The following SPTLC2 variants were observed in gnomAD, a reference collection of about 807,000 sequenced individuals.
SPTLC2 encodes the protein serine palmitoyltransferase long chain base subunit 2, also known as serine palmitoyltransferase 2.
Under a neutral mutation model 62.0 loss-of-function variants are expected in SPTLC2, and 21 were observed. That is an observed-to-expected ratio of 0.34 (90% confidence interval 0.24 to 0.49). The LOEUF (loss-of-function observed/expected upper bound fraction) is 0.49. Among genes scored for constraint, SPTLC2 ranks in the 20% least tolerant of loss-of-function variants. SPTLC2 has a pLI of 0.99. For synonymous variants in SPTLC2, 261 were observed against 261.8 expected (o/e 1.00, Z 0.03); for missense variants, 511 against 713.0 (o/e 0.72, Z 3.23).
chr14:77,551,410 A>AAAAAAAC, intron 9 of SPTLC2, among the ~76,000 whole-genome samples: 1 of 151,748 alleles, frequency 6.6e-6, no homozygotes, highest in African/African-American at 2.4e-5. Flanking sequence ...AAAAAAAAAA[A>AAAAAAAC]AAAGCGACAA....
chr14:77,555,601 A>G, intron 7 of SPTLC2, 82 bp from the exon 8 acceptor site: 1 of 1,340,284 alleles, frequency 7.5e-7, no homozygotes, highest in Non-Finnish European at 1.0e-6. Context: ...GCACTTCATT[A>G]TTATTGAGTT....
At position 77,526,943 on chromosome 14, in the gene SPTLC2, C is replaced by T. The variant is rs559537958; in HGVS notation, c.1304-5362G>A. On this transcript the variant is annotated intron_variant, in intron 9 of 11. Coordinates refer to ENST00000216484, the MANE Select transcript of SPTLC2 (RefSeq NM_004863.4). ...CCGAGTAGCTGGGACTGCAGCAACC[C>T]GCCACAACACCCGGCTAATTTTTTG... 2.7e-3 allele frequency among the ~76,000 whole-genome samples: 408 copies of T among 151,350 alleles called. 2 individuals are homozygous for T. The highest frequency in any genetic ancestry group is 4.2e-3 in the Non-Finnish European group (284 of 67,860).
chr14:77,576,974 T>TGTACTTAC, intron 3 of SPTLC2, 59 bp from the exon 4 acceptor site: 1 of 1,590,966 alleles, frequency 6.3e-7, no homozygotes, highest in Non-Finnish European at 8.6e-7. Context: ...TTACATGTAA[T>TGTACTTAC]ATTAAATGAA....
At chr14:77,549,375 T>C (rs2079544753) in intron 9 of SPTLC2, among the ~76,000 whole-genome samples, 1 of 152,196 alleles carries the variant, frequency 6.6e-6, no homozygotes, top group African/African-American at 2.4e-5. Flanking sequence ...CGCCAGGTTC[T>C]TTGGAATGCT....
At chr14:77,545,980 C>G (rs553403569) in intron 9 of SPTLC2, among the ~76,000 whole-genome samples, 54 of 152,324 alleles carry the variant, frequency 3.5e-4, no homozygotes, top group Non-Finnish European at 6.5e-4. Context: ...GAAAGGGCTA[C>G]TGATCCATGG....
At position 77,579,073 on chromosome 14, in the gene SPTLC2, A is replaced by T. The variant is rs753088435; in HGVS notation, c.364T>A (p.Tyr122Asn). 3 of 1,614,126 alleles carry T rather than the reference A, an allele frequency of 1.9e-6. No homozygotes were observed. The highest frequency in any genetic ancestry group is 2.2e-5 in the South Asian group (2 of 91,080). Residue 122 changes from tyrosine to asparagine, a missense_variant, in exon 3 of 12, where the codon TAT becomes AAT. Coordinates refer to ENST00000216484, the MANE Select transcript of SPTLC2 (RefSeq NM_004863.4). ...ATCCTCATGTACAGATTCCTTGTAT[A>T]AAAGTTTTCAAAATCTTGATACAAT... ...VSLYQDFENF[Y>N]TRNLYMRIRD...
intron 4 of SPTLC2, among the ~76,000 whole-genome samples, chr14:77,572,141 T>A (rs2079687540): frequency 6.6e-6 from 1 of 152,368 alleles, no homozygotes; most frequent in South Asian, 2.1e-4. Context: ...CCTTACTATA[T>A]GTCGCCACTG....
At chr14:77,557,874 T>G (rs1020642048) in intron 6 of SPTLC2, among the ~76,000 whole-genome samples, 1 of 152,168 alleles carries the variant, frequency 6.6e-6, no homozygotes, top group Admixed American at 6.6e-5. Context: ...CCATTAATGA[T>G]GATCATAATT....
rs200111985 is a variant in SPTLC2 at position 77,611,825 on chromosome 14, CA to C, written c.132+4622del. On this transcript the variant is annotated intron_variant, in intron 1 of 11. Transcript: ENST00000216484. ...TGGGCGACAGAGTGAGACTCCGTCT[CA>C]AAAAAAAAAAAACCTAACGCAGAGA... Among the ~76,000 whole-genome samples, 1,118 of 132,652 alleles carry C rather than the reference CA, an allele frequency of 8.4e-3. 12 individuals carry two copies. The highest frequency in any genetic ancestry group is 0.02 in the African/African-American group (721 of 35,558). 87.0% of individuals were successfully genotyped at this position (132,652 alleles called of 152,430 possible). A position where few individuals can be genotyped will look rare whatever the true frequency, so the allele number is the denominator to read the frequency against.
chr14:77,521,686 C>T (rs942771101), intron 9 of SPTLC2, 105 bp from the exon 10 acceptor site: 41 of 1,048,802 alleles, frequency 3.9e-5, no homozygotes, highest in Non-Finnish European at 4.3e-5. Flanking sequence ...AGTTCTGTTT[C>T]GTTTTTTTCC....
chr14:77,556,077 C>T (rs1173760780), intron 7 of SPTLC2, among the ~76,000 whole-genome samples: 1 of 151,414 alleles, frequency 6.6e-6, no homozygotes, highest in Non-Finnish European at 1.5e-5. Context: ...AATCCCAGCA[C>T]TTTGGTGGGC....
Position 77,513,016 on chromosome 14 carries a change from C to CTTTTTTTTTTTT in SPTLC2, c.1570-625_1570-614dup, listed in dbSNP as rs1190713237. On this transcript the variant is annotated intron_variant, in intron 11 of 11. Transcript: ENST00000216484. ...AGGCGTAAGCCAACGAACCCAGCAACTTTTTTTTTTTTTTTTTTTTTTTTT... is the reference window on the plus strand; with the variant it reads ...AGGCGTAAGCCAACGAACCCAGCAACTTTTTTTTTTTTTTTTTTTTTTTTTTTTTTTTTTTTT... Among the ~76,000 whole-genome samples the CTTTTTTTTTTTT allele has an allele frequency of 3.6e-3, 228 of 62,828 alleles. 54 individuals are homozygous for CTTTTTTTTTTTT. Among genetic ancestry groups the CTTTTTTTTTTTT allele is most frequent in the Admixed American group, 6.9e-3 (22 of 3,172 alleles). The allele number at this position is 62,828 out of a possible 152,430, so 41.2% of individuals were successfully genotyped here.
At chr14:77,513,895 C>CAAAAAAA (rs35769140) in intron 11 of SPTLC2, among the ~76,000 whole-genome samples, 3 of 106,248 alleles carry the variant, frequency 2.8e-5, no homozygotes, top group Non-Finnish European at 5.5e-5. Context: ...AACTCTGTCT[C>CAAAAAAA]AAAAAAAAAA....
At chr14:77,518,013 T>C (rs758084941) in intron 11 of SPTLC2, 25 bp downstream of exon 11, 2 of 1,614,004 alleles carry the variant, frequency 1.2e-6, no homozygotes, top group Non-Finnish European at 1.7e-6. Context: ...GGCATATTTA[T>C]ATCAAGGTGA....
At chr14:77,515,542 C>CTTTTT (rs71128633) in intron 11 of SPTLC2, among the ~76,000 whole-genome samples, 118 of 124,682 alleles carry the variant, frequency 9.5e-4, no homozygotes, top group Non-Finnish European at 1.3e-3. Context: ...AAGGGAAAGG[C>CTTTTT]TTTTTTTTTT....
chr14:77,533,170 C>T (rs2079449926), intron 9 of SPTLC2, among the ~76,000 whole-genome samples: 1 of 151,828 alleles, frequency 6.6e-6, no homozygotes, highest in Non-Finnish European at 1.5e-5. Context: ...CGTGGTGGTG[C>T]ACGCCTGGAG....
chr14:77,534,087 G>A (rs1329281489), intron 9 of SPTLC2, among the ~76,000 whole-genome samples: 4 of 152,018 alleles, frequency 2.6e-5, no homozygotes, highest in African/African-American at 9.7e-5. Context: ...GAGCCTGGGT[G>A]GTAGAGGTTG....
intron 8 of SPTLC2, among the ~76,000 whole-genome samples, chr14:77,554,529 A>T (rs2079572552): frequency 6.6e-6 from 1 of 152,192 alleles, no homozygotes; most frequent in African/African-American, 2.4e-5. Context: ...GACTTTTTTC[A>T]CTTACCATAA....
At position 77,591,719 on chromosome 14, in the gene SPTLC2, TATGTATG is replaced by T. The variant is rs1263511576; in HGVS notation, c.327+5460_327+5466del. On this transcript the variant is annotated intron_variant, in intron 2 of 11. Coordinates refer to ENST00000216484, the MANE Select transcript of SPTLC2 (RefSeq NM_004863.4). The stretch of plus-strand genomic sequence containing the variant: ...GTATGTATGTATGTATGTATGTATG[TATGTATG>T]TATGTATTTATTTTTAGACGGAGTT... 3.6e-4 allele frequency among the ~76,000 whole-genome samples: 53 copies of T among 146,712 alleles called. 1 individual carries two copies. The East Asian group carries it at 7.4e-3, about 21-fold the overall frequency.
Sources: allele counts gnomAD v4.1 joint callset (sites outside exome capture counted in the v4.1 genomes callset), GRCh38; gene constraint gnomAD v4.1.1; transcripts MANE v1.5; gene names NCBI Gene and HGNC (gene_info 2026-07-23, HGNC 2026-07-21).